Variants in DIAPH2 observed in about 807,000 individuals in gnomAD.
The protein encoded by DIAPH2 is protein diaphanous homolog 2.
Under a neutral mutation model 92.7 loss-of-function variants are expected in DIAPH2, and 35 were observed. That is an observed-to-expected ratio of 0.38 (90% CI 0.29 to 0.50). The LOEUF (loss-of-function observed/expected upper bound fraction) is 0.50. DIAPH2 is among the 20% of genes least tolerant of loss of function. The pLI is 0.94. For synonymous variants in DIAPH2, 301 were observed against 280.4 expected (o/e 1.07, Z -0.73); for missense variants, 701 against 819.5 (o/e 0.86, Z 1.77).
At chrX:96,974,431 T>A (rs192802463) in intron 17 of DIAPH2, among the ~76,000 whole-genome samples, 21 of 111,548 alleles carry the variant, frequency 1.9e-4, no homozygotes, top group Non-Finnish European at 3.0e-4. Context: ...ATCAGTAGAC[T>A]AGGTAAGATA....
chrX:97,231,904 A>G (rs2068012380), intron 22 of DIAPH2, among the ~76,000 whole-genome samples: 1 of 106,647 alleles, frequency 9.4e-6, no homozygotes, highest in African/African-American at 3.3e-5. Context: ...TACAAAAGCA[A>G]TTCACAAAGC....
At chrX:97,376,576 A>G (rs2069502958) in intron 24 of DIAPH2, among the ~76,000 whole-genome samples, 1 of 112,535 alleles carries the variant, frequency 8.9e-6, no homozygotes, top group African/African-American at 3.2e-5. Flanking sequence ...GAATAATATA[A>G]TAATAACCAC....
chrX:97,100,519 G>C (rs1310603073), intron 20 of DIAPH2, among the ~76,000 whole-genome samples: 1 of 111,509 alleles, frequency 9.0e-6, no homozygotes, highest in Non-Finnish European at 1.9e-5. Flanking sequence ...AAAAATGGCA[G>C]GAAAGAGGGC....
intron 5 of DIAPH2, chrX:96,884,630 G>T: frequency 8.3e-7 from 1 of 1,210,649 alleles, no homozygotes; most frequent in Admixed American, 2.2e-5. Flanking sequence ...GCCCGACAGT[G>T]GTTTGGTAGA....
At chrX:97,042,726 T>C (rs1025659845) in intron 17 of DIAPH2, among the ~76,000 whole-genome samples, 2 of 112,220 alleles carry the variant, frequency 1.8e-5, no homozygotes, top group South Asian at 3.6e-4. Context: ...CTTCTTCTTA[T>C]CTTGTTTATT....
chrX:97,417,865 A>G (rs2069965434), intron 25 of DIAPH2, among the ~76,000 whole-genome samples: 1 of 110,030 alleles, frequency 9.1e-6, no homozygotes, highest in South Asian at 4.0e-4. Context: ...TACCTATGAT[A>G]AAGTTTAATT....
chrX:97,304,958 G>A (rs1219476671), intron 23 of DIAPH2, among the ~76,000 whole-genome samples: 1 of 112,034 alleles, frequency 8.9e-6, no homozygotes. Context: ...AGATAGCACA[G>A]TAGGCAATAC....
At chrX:97,343,997 A>T (rs1259390565) in intron 23 of DIAPH2, among the ~76,000 whole-genome samples, 1 of 111,724 alleles carries the variant, frequency 9.0e-6, no homozygotes, top group Non-Finnish European at 1.9e-5. Flanking sequence ...CTAAAATTTG[A>T]ATGGTAATAT....
intron 22 of DIAPH2, among the ~76,000 whole-genome samples, chrX:97,191,735 A>C (rs1161316470): frequency 8.9e-6 from 1 of 112,008 alleles, no homozygotes; most frequent in Non-Finnish European, 1.9e-5. Flanking sequence ...TAGTTCGCTT[A>C]ATTTTTGATT....
intron 26 of DIAPH2, among the ~76,000 whole-genome samples, chrX:97,565,440 G>A (rs1220491486): frequency 8.9e-6 from 1 of 112,062 alleles, no homozygotes; most frequent in Non-Finnish European, 1.9e-5. Context: ...TCAAAAAGTT[G>A]TAATAAATAT....
chrX:97,530,550 C>T (rs929141373), intron 26 of DIAPH2, among the ~76,000 whole-genome samples: 3 of 111,373 alleles, frequency 2.7e-5, no homozygotes, highest in African/African-American at 6.5e-5. Flanking sequence ...AGAGAGAACC[C>T]TCTCTGGAGG....
chrX:97,198,345 T>C (rs1362807250), intron 22 of DIAPH2, among the ~76,000 whole-genome samples: 1 of 108,994 alleles, frequency 9.2e-6, no homozygotes, highest in Non-Finnish European at 1.9e-5. Flanking sequence ...TATGTGTGTA[T>C]ATATATATTA....
chrX:97,314,264 T>A (rs2068822371), intron 23 of DIAPH2, among the ~76,000 whole-genome samples: 1 of 106,361 alleles, frequency 9.4e-6, no homozygotes, highest in Non-Finnish European at 1.9e-5. Context: ...AAAAAAAAAT[T>A]ATCTAGGTGT....
At chrX:96,813,262 T>G (rs1047035482) in intron 4 of DIAPH2, among the ~76,000 whole-genome samples, 4 of 110,355 alleles carry the variant, frequency 3.6e-5, no homozygotes, top group African/African-American at 1.3e-4. Context: ...ATTGATCCCT[T>G]TACCATTATA....
At chrX:96,935,898 A>T (rs926773839) in intron 10 of DIAPH2, among the ~76,000 whole-genome samples, 1 of 111,963 alleles carries the variant, frequency 8.9e-6, no homozygotes, top group Admixed American at 9.5e-5. Context: ...AGAATAAGAC[A>T]TACTGTAAAA....
At chrX:97,299,766 G>C (rs1456770049) in intron 23 of DIAPH2, among the ~76,000 whole-genome samples, 1 of 112,278 alleles carries the variant, frequency 8.9e-6, no homozygotes, top group African/African-American at 3.2e-5. Context: ...AAATGTATAT[G>C]ACTAAAGTAA....
At chrX:97,023,853 A>C (rs1368113544) in intron 17 of DIAPH2, among the ~76,000 whole-genome samples, 1 of 112,377 alleles carries the variant, frequency 8.9e-6, no homozygotes, top group Non-Finnish European at 1.9e-5. Flanking sequence ...CAAATACCTT[A>C]TCTTAGCAGT....
rs775961888 is a variant in DIAPH2, at chrX:96,802,994, C to T, written c.447+44736C>T. Among the ~76,000 whole-genome samples the T allele has an allele frequency of 1.3e-4, 15 of 111,312 alleles. No individual in the cohort carries two copies. In the South Asian group the frequency reaches 1.5e-3, roughly 11 times the overall value. ...GAGACAGATGATGGCCGGACGACTC[C>T]GCCAGTCTACTCATTCCACCTTCCT... On this transcript the variant is annotated intron_variant, in intron 4 of 26. Transcript: ENST00000324765.
intron 21 of DIAPH2, among the ~76,000 whole-genome samples, chrX:97,117,301 C>T (rs1357316612): frequency 9.0e-6 from 1 of 111,707 alleles, no homozygotes; most frequent in Non-Finnish European, 1.9e-5. Context: ...TTCTGAAGCA[C>T]GTAGAAATAG....
Sources: allele counts gnomAD v4.1 joint callset (sites outside exome capture counted in the v4.1 genomes callset), GRCh38; gene constraint gnomAD v4.1.1; transcripts MANE v1.5; gene names NCBI Gene and HGNC (gene_info 2026-07-23, HGNC 2026-07-21).